RHOU: variants seen among roughly 807,000 people sequenced by gnomAD.
RHOU encodes the protein rho-related GTP-binding protein RhoU.
Under a neutral mutation model 12.6 loss-of-function variants are expected in RHOU, and 8 were observed. The observed-to-expected ratio is 0.64, with a 90% CI of 0.37 to 1.15. The LOEUF is 1.15. Among genes scored for constraint, RHOU ranks in the 50% most tolerant of loss-of-function variants. The probability of loss-of-function intolerance (pLI) is 0.01; values close to 1 mark genes in which losing one functional copy is unlikely to be tolerated. For synonymous variants in RHOU, 161 were observed against 147.4 expected, an observed-to-expected ratio of 1.09 and a Z score of -0.67; for missense variants, 258 against 347.0, an observed-to-expected ratio of 0.74 and a Z score of 2.04.
rs180801532 is a variant in RHOU at position 228,736,433 on chromosome 1, C to T, written c.262+429C>T. Among the ~76,000 whole-genome samples the T allele has an allele frequency of 1.2e-4, 18 of 152,230 alleles. No homozygotes were observed. The East Asian group carries it at 3.1e-3, about 26-fold the overall frequency. On this transcript the variant is annotated intron_variant, in intron 1 of 2. Transcript: ENST00000366691. ...GAAGGTGACGCGCAGGTGCCTTTAC[C>T]TGAGCGTCGCTCCTTTGCTTTTAGG...
chr1:228,721,739 C>T, the RHOU span, among the ~76,000 whole-genome samples: 2 of 152,224 alleles, frequency 1.3e-5, no homozygotes, highest in African/African-American at 4.8e-5. Context: ...CGGCTCACTG[C>T]AACCTCCGCC....
At chr1:228,724,981 ATTTGTCCT>A in the RHOU span, among the ~76,000 whole-genome samples, 1 of 152,292 alleles carries the variant, frequency 6.6e-6, no homozygotes, top group African/African-American at 2.4e-5. Flanking sequence ...AAAGTCACTT[ATTTGTCCT>A]TGACTTCTTT....
the RHOU span, among the ~76,000 whole-genome samples, chr1:228,697,559 T>G: frequency 2.0e-5 from 3 of 152,162 alleles, no homozygotes; most frequent in Non-Finnish European, 4.4e-5. Context: ...GAGATTAAAA[T>G]GCTGAAATAG....
the RHOU span, among the ~76,000 whole-genome samples, chr1:228,710,695 G>A: frequency 6.7e-6 from 1 of 150,292 alleles, no homozygotes; most frequent in South Asian, 2.1e-4. Flanking sequence ...CAAACCCACA[G>A]CCAATATCAT....
At chr1:228,678,406 G>A in the RHOU span, among the ~76,000 whole-genome samples, 2 of 152,146 alleles carry the variant, frequency 1.3e-5, no homozygotes, top group Admixed American at 1.3e-4. Flanking sequence ...AAAACTGGCC[G>A]TGAGGGACAG....
chr1:228,697,514 T>C, the RHOU span, among the ~76,000 whole-genome samples: 2 of 152,146 alleles, frequency 1.3e-5, no homozygotes, highest in Admixed American at 6.5e-5. Flanking sequence ...AGGACTTCTC[T>C]AGGGCAGTGC....
the RHOU span, among the ~76,000 whole-genome samples, chr1:228,665,523 G>A: frequency 2.0e-5 from 3 of 152,158 alleles, no homozygotes; most frequent in South Asian, 6.2e-4. Flanking sequence ...ACTCAAATCA[G>A]GTATCTTTGG....
At chr1:228,714,740 C>CTTTTTTTTTTTTTTTTTTTTTTTT in the RHOU span, among the ~76,000 whole-genome samples, 8 of 83,686 alleles carry the variant, frequency 9.6e-5, no homozygotes, top group East Asian at 3.5e-4. Context: ...TGTTAATTAT[C>CTTTTTTTTTTTTTTTTTTTTTTTT]TTTTTTTTTT....
the RHOU span, among the ~76,000 whole-genome samples, chr1:228,680,886 C>G: frequency 2.6e-5 from 4 of 152,120 alleles, no homozygotes; most frequent in Non-Finnish European, 5.9e-5. Context: ...CCTAGCTATA[C>G]CTGGGGAATC....
Position 228,735,820 on chromosome 1 carries a change from TGGACGCGGG to T in RHOU, c.88_96del (p.Gly30_Gly32del), listed in dbSNP as rs1315258880. On this transcript the variant is annotated inframe_deletion, in exon 1 of 3. Transcript: ENST00000366691. The surrounding 1 kb of genome is among the most constrained non-coding windows in gnomAD (Gnocchi z 8.1). ...CGGTGCCGCCGCGTCGGGAGCGCGG[TGGACGCGGG>T]GGACGCGGGCCTGGGGAGCCGGGGG... 4.9e-6 allele frequency: 6 copies of T among 1,223,692 alleles called. 1 individual carries two copies. Among genetic ancestry groups the T allele is most frequent in the South Asian group, 8.0e-5 (2 of 24,980 alleles). The allele number at this position is 1,223,692 out of a possible 1,614,324, so 75.8% of individuals were successfully genotyped here. A position where few individuals can be genotyped will look rare whatever the true frequency, so the allele number is the denominator to read the frequency against.
At chr1:228,653,300 T>C in the RHOU span, among the ~76,000 whole-genome samples, 1 of 152,144 alleles carries the variant, frequency 6.6e-6, no homozygotes, top group Non-Finnish European at 1.5e-5. Flanking sequence ...GGAGTCAGGC[T>C]GGTGCCATCA....
chr1:228,687,726 G>A, the RHOU span: 2 of 1,453,256 alleles, frequency 1.4e-6, no homozygotes, highest in Middle Eastern at 4.8e-4. Context: ...AGAATTGGGT[G>A]AGCACGTGAC....
the RHOU span, among the ~76,000 whole-genome samples, chr1:228,651,688 C>T: frequency 1.3e-5 from 2 of 152,192 alleles, no homozygotes; most frequent in African/African-American, 2.4e-5. Flanking sequence ...AAGCATAAGG[C>T]AATAAATACC....
At chr1:228,648,300 A>G in the RHOU span, among the ~76,000 whole-genome samples, 3 of 152,140 alleles carry the variant, frequency 2.0e-5, no homozygotes, top group Non-Finnish European at 2.9e-5. Flanking sequence ...TCCTCGCGGG[A>G]GTGCCAGAGG....
At chr1:228,677,127 G>A in the RHOU span, among the ~76,000 whole-genome samples, 6 of 152,186 alleles carry the variant, frequency 3.9e-5, no homozygotes, top group Non-Finnish European at 7.3e-5. Flanking sequence ...TTGGGGTGGC[G>A]TGGGAACCTA....
At chr1:228,646,913 G>T in the RHOU span, among the ~76,000 whole-genome samples, 1 of 152,182 alleles carries the variant, frequency 6.6e-6, no homozygotes, top group East Asian at 2.0e-4. Context: ...GATCGAGAGA[G>T]ACCGGAGAGG....
upstream of RHOU, among the ~76,000 whole-genome samples, chr1:228,731,855 C>G: frequency 6.6e-6 from 1 of 152,102 alleles, no homozygotes; most frequent in Middle Eastern, 3.2e-3. Context: ...AACGGAAATT[C>G]TGCACCCAGT....
chr1:228,669,042 T>C, the RHOU span, among the ~76,000 whole-genome samples: 1 of 152,200 alleles, frequency 6.6e-6, no homozygotes, highest in Non-Finnish European at 1.5e-5. Context: ...TGGGTGTCCC[T>C]GGAGGGCACT....
the RHOU span, among the ~76,000 whole-genome samples, chr1:228,691,160 G>C: frequency 1.3e-5 from 2 of 151,748 alleles, no homozygotes; most frequent in Admixed American, 1.3e-4. Context: ...AAAATGCAGA[G>C]AGTTCCCATA....
Sources: gnomAD v4.1 joint callset for allele counts (sites outside exome capture counted in the v4.1 genomes callset) on GRCh38, gnomAD v4.1.1 for gene constraint, Gnocchi (gnomAD v3.1) non-coding constraint, MANE v1.5 for transcripts, NCBI Gene and HGNC (gene_info 2026-07-23, HGNC 2026-07-21) for gene names.